IQCM: variants seen among roughly 807,000 people sequenced by gnomAD.
The protein encoded by IQCM is IQ domain-containing protein M.
IQCM carries 45 observed loss-of-function variants against 57.6 expected under a neutral mutation model. That is an observed-to-expected ratio of 0.78 (90% CI 0.62 to 1.00). The LOEUF is 1.00. Ranked by LOEUF, IQCM falls within the 50% of genes least tolerant of loss-of-function variation. The probability of loss-of-function intolerance (pLI) is 0.00; values close to 1 mark genes in which losing one functional copy is unlikely to be tolerated. For synonymous variants in IQCM, 148 were observed against 158.9 expected (o/e 0.93, Z 0.51); for missense variants, 468 against 511.6 (o/e 0.91, Z 0.82).
At chr4:149,634,042 C>T (rs1258414607) in intron 7 of IQCM, among the ~76,000 whole-genome samples, 3 of 152,064 alleles carry the variant, frequency 2.0e-5, no homozygotes, top group Non-Finnish European at 4.4e-5. Context: ...CAGACTCTGA[C>T]TCTGTTGCCC....
intron 13 of IQCM, among the ~76,000 whole-genome samples, chr4:149,379,775 G>A (rs566857458): frequency 6.6e-6 from 1 of 152,266 alleles, no homozygotes; most frequent in African/African-American, 2.4e-5. Context: ...GGCATGATTT[G>A]TTTTGAAATG....
chr4:149,383,662 C>T (rs1043973735), intron 13 of IQCM, among the ~76,000 whole-genome samples: 3 of 152,000 alleles, frequency 2.0e-5, no homozygotes, highest in African/African-American at 7.2e-5. Context: ...ATAGAATATT[C>T]GAGAGCATAA....
chr4:149,391,647 G>T (rs1731864599), intron 13 of IQCM, among the ~76,000 whole-genome samples: 1 of 151,730 alleles, frequency 6.6e-6, no homozygotes, highest in Non-Finnish European at 1.5e-5. Context: ...TTTCCTCTAA[G>T]CACTGCTTTA....
At chr4:149,705,952 A>C (rs4835594) in intron 5 of IQCM, among the ~76,000 whole-genome samples, 65,790 of 151,660 alleles carry the variant, frequency 0.43, 14,667 homozygotes, top group East Asian at 0.58. Flanking sequence ...TGCCCCATGT[A>C]ACTTGGTAAT....
chr4:149,415,482 A>G (rs1307404730), intron 13 of IQCM, among the ~76,000 whole-genome samples: 10 of 152,160 alleles, frequency 6.6e-5, no homozygotes, highest in Non-Finnish European at 1.3e-4. Context: ...CACATAATAA[A>G]TGGAAATATT....
intron 5 of IQCM, among the ~76,000 whole-genome samples, chr4:149,713,307 C>G (rs993795097): frequency 1.3e-5 from 2 of 152,222 alleles, no homozygotes; most frequent in Non-Finnish European, 2.9e-5. Context: ...AAGGTCAATC[C>G]TTATGAACAC....
intron 8 of IQCM, among the ~76,000 whole-genome samples, chr4:149,606,928 G>C (rs1163047660): frequency 6.6e-6 from 1 of 151,872 alleles, no homozygotes; most frequent in Non-Finnish European, 1.5e-5. Context: ...GTCTCAAAGG[G>C]GCAAATCTTA....
At chr4:149,522,150 A>C (rs754165610) in intron 12 of IQCM, among the ~76,000 whole-genome samples, 2 of 152,170 alleles carry the variant, frequency 1.3e-5, no homozygotes, top group Non-Finnish European at 2.9e-5. Flanking sequence ...TAAGACTACC[A>C]TGGAACAGAC....
At chr4:149,693,040 C>T (rs1311409449) in intron 5 of IQCM, among the ~76,000 whole-genome samples, 1 of 152,110 alleles carries the variant, frequency 6.6e-6, no homozygotes, top group Non-Finnish European at 1.5e-5. Context: ...AACTCCCAAC[C>T]AAAAGACTCT....
chr4:149,744,725 T>C (rs1468290268), intron 2 of IQCM, among the ~76,000 whole-genome samples: 2 of 151,912 alleles, frequency 1.3e-5, no homozygotes, highest in African/African-American at 4.8e-5. Flanking sequence ...ACTTTAAGTC[T>C]CCAGCAGACA....
At chr4:149,712,619 G>C (rs1021958014) in intron 5 of IQCM, among the ~76,000 whole-genome samples, 4 of 152,116 alleles carry the variant, frequency 2.6e-5, no homozygotes, top group South Asian at 2.1e-4. Flanking sequence ...AACAAGACTG[G>C]TAAGGTCTCT....
intron 7 of IQCM, among the ~76,000 whole-genome samples, chr4:149,635,194 T>C (rs1373911810): frequency 6.6e-6 from 1 of 152,190 alleles, no homozygotes; most frequent in Non-Finnish European, 1.5e-5. Flanking sequence ...AGAATGGAAC[T>C]GCATTATAAA....
At chr4:149,397,074 C>T (rs1278216799) in intron 13 of IQCM, among the ~76,000 whole-genome samples, 1 of 151,908 alleles carries the variant, frequency 6.6e-6, no homozygotes, top group Non-Finnish European at 1.5e-5. Flanking sequence ...AATAGGATTG[C>T]TGAATCATGT....
intron 13 of IQCM, among the ~76,000 whole-genome samples, chr4:149,357,096 G>A (rs1451341744): frequency 1.3e-5 from 2 of 152,150 alleles, no homozygotes; most frequent in Non-Finnish European, 2.9e-5. Flanking sequence ...CATTGATTTT[G>A]TATCCTGAGA....
At chr4:149,517,932 T>C (rs1186842575) in intron 12 of IQCM, among the ~76,000 whole-genome samples, 1 of 152,194 alleles carries the variant, frequency 6.6e-6, no homozygotes, top group Admixed American at 6.5e-5. Flanking sequence ...TGTGAGTTAA[T>C]ACTACTTAAT....
intron 2 of IQCM, among the ~76,000 whole-genome samples, chr4:149,799,215 T>G (rs2150045372): frequency 6.6e-6 from 1 of 151,610 alleles, no homozygotes; most frequent in Admixed American, 6.6e-5. Context: ...TACAAATACA[T>G]GGAAATTAAA....
At position 149,370,807 on chromosome 4, in the gene IQCM, G is replaced by A. The variant is rs533064092; in HGVS notation, c.1391-18741C>T. 2.7e-5 allele frequency among the ~76,000 whole-genome samples: 4 copies of A among 150,668 alleles called. No homozygotes were observed. The South Asian group carries it at 8.4e-4, about 32-fold the overall frequency. ...TATAATTCTCCTTTCACTCTGATAG[G>A]TTTCCAACACACAACCCTACTCCTC... On this transcript the variant is annotated intron_variant, in intron 13 of 13. Coordinates refer to ENST00000636793, the MANE Select transcript of IQCM (RefSeq NM_001363507.2).
intron 8 of IQCM, among the ~76,000 whole-genome samples, chr4:149,604,305 A>G (rs1312367143): frequency 6.6e-6 from 1 of 152,192 alleles, no homozygotes; most frequent in African/African-American, 2.4e-5. Flanking sequence ...AAAGGATTAT[A>G]TATCTACACA....
intron 2 of IQCM, among the ~76,000 whole-genome samples, chr4:149,785,647 C>T (rs1312821673): frequency 6.6e-6 from 1 of 151,654 alleles, no homozygotes; most frequent in African/African-American, 2.4e-5. Context: ...AAAAATGACC[C>T]AAAAAACTTA....
Sources: gnomAD v4.1 joint callset for allele counts (sites outside exome capture counted in the v4.1 genomes callset) on GRCh38, gnomAD v4.1.1 for gene constraint, MANE v1.5 for transcripts, NCBI Gene and HGNC (gene_info 2026-07-23, HGNC 2026-07-21) for gene names.